The following EIF2AK4 variants were observed in gnomAD, a reference collection of about 807,000 sequenced individuals.
The protein encoded by EIF2AK4 is eIF-2-alpha kinase GCN2.
In EIF2AK4, 139 loss-of-function variants were observed where a neutral mutation model predicts 211.1. That is an observed-to-expected ratio of 0.66 (90% CI 0.57 to 0.76). EIF2AK4 has a LOEUF of 0.76. Among genes scored for constraint, EIF2AK4 ranks in the 30% least tolerant of loss-of-function variants. The pLI, the probability that EIF2AK4 is intolerant of heterozygous loss-of-function variation, is 0.00. For synonymous variants in EIF2AK4, 710 were observed against 751.3 expected (o/e 0.94, Z 0.90); for missense variants, 1,664 against 2,043.8 (o/e 0.81, Z 3.58).
chr15:39,999,615 A>G (rs2035065373), intron 20 of EIF2AK4, among the ~76,000 whole-genome samples: 1 of 152,186 alleles, frequency 6.6e-6, no homozygotes, highest in Non-Finnish European at 1.5e-5. Context: ...AAATAAAAAG[A>G]TTAAGTACTC....
At chr15:39,961,955 A>G in intron 7 of EIF2AK4, 56 bp downstream of exon 7, 1 of 1,310,794 alleles carries the variant, frequency 7.6e-7, no homozygotes, top group Non-Finnish European at 1.1e-6. Flanking sequence ...GTTAATCACA[A>G]AGGAATGGGA....
chr15:40,017,811 T>C (rs1269293619), intron 29 of EIF2AK4, among the ~76,000 whole-genome samples: 2 of 151,768 alleles, frequency 1.3e-5, no homozygotes, highest in Non-Finnish European at 2.9e-5. Flanking sequence ...CCTCTCAGAG[T>C]GCTGGGATTA....
intron 1 of EIF2AK4, 26 bp downstream of exon 1, chr15:39,934,365 G>A (rs1475745419): frequency 6.3e-7 from 1 of 1,589,398 alleles, no homozygotes; most frequent in East Asian, 2.3e-5. Flanking sequence ...GTCAGGCCCG[G>A]GCTGGCGTGC....
At chr15:40,000,471 G>T (rs1451108128) in intron 20 of EIF2AK4, among the ~76,000 whole-genome samples, 1 of 152,156 alleles carries the variant, frequency 6.6e-6, no homozygotes, top group Non-Finnish European at 1.5e-5. Context: ...TAATGAGGTG[G>T]CTGTGAAGAT....
At chr15:39,984,012 T>A (rs1415190801) in intron 13 of EIF2AK4, among the ~76,000 whole-genome samples, 1 of 152,238 alleles carries the variant, frequency 6.6e-6, no homozygotes, top group Non-Finnish European at 1.5e-5. Flanking sequence ...TTAATCCATC[T>A]TGAGTTAATT....
Position 39,973,032 on chromosome 15 carries a change from C to T in EIF2AK4, c.1660+18C>T, listed in dbSNP as rs1420155828. 26 of 1,584,852 alleles carry T rather than the reference C, an allele frequency of 1.6e-5. No homozygotes were observed. Among genetic ancestry groups the T allele is most frequent in the African/African-American group, 2.7e-5 (2 of 74,326 alleles). Reference sequence around the variant, plus strand: ...TCCTGAAGGTGAGTCTGTTACCTTTCTTTATTTGGTAACCTGTTTGACATT... The same window carrying T: ...TCCTGAAGGTGAGTCTGTTACCTTTTTTTATTTGGTAACCTGTTTGACATT... On this transcript the variant is annotated intron_variant, in intron 10 of 38. Coordinates refer to ENST00000263791, the MANE Select transcript of EIF2AK4 (RefSeq NM_001013703.4).
At chr15:39,982,956 T>G (rs146018092) in intron 13 of EIF2AK4, among the ~76,000 whole-genome samples, 370 of 152,376 alleles carry the variant, frequency 2.4e-3, no homozygotes, top group African/African-American at 8.7e-3. Flanking sequence ...TGATGGACAT[T>G]TGGGTTGATT....
chr15:39,994,838 T>C (rs1430716905), intron 18 of EIF2AK4, among the ~76,000 whole-genome samples: 1 of 151,474 alleles, frequency 6.6e-6, no homozygotes, highest in Non-Finnish European at 1.5e-5. Flanking sequence ...TTAGTGTCAT[T>C]ATTATTATTA....
rs536252760 is a variant in EIF2AK4 at position 40,014,656 on chromosome 15, C to A, written c.3760-1846C>A. Among the ~76,000 whole-genome samples the A allele has an allele frequency of 3.9e-5, 6 of 152,340 alleles. No individual in the cohort carries two copies. The South Asian group carries it at 1.2e-3, about 32-fold the overall frequency. ...GTGATGGGAGGGCCTGCCATGAAGA[C>A]CTCTGACATGCCCTGGAGACATTTT... On this transcript the variant is annotated intron_variant, in intron 27 of 38. Coordinates refer to ENST00000263791, the MANE Select transcript of EIF2AK4 (RefSeq NM_001013703.4).
At position 39,978,062 on chromosome 15, in the gene EIF2AK4, T is replaced by C. The variant is rs1457892151; in HGVS notation, c.2250-16T>C. On this transcript the variant is annotated splice_polypyrimidine_tract_variant and intron_variant, in intron 12 of 38. Transcript: ENST00000263791. Reference sequence around the variant, plus strand: ...GGGATTTCTGTTCCTTTAGTATTTCTGTTTCCCTTTTTCAGGCCTGCTTCA... The same window carrying C: ...GGGATTTCTGTTCCTTTAGTATTTCCGTTTCCCTTTTTCAGGCCTGCTTCA... 2.5e-6 allele frequency: 4 copies of C among 1,581,052 alleles called. No homozygotes were observed. In the Admixed American group the frequency reaches 5.1e-5, roughly 20 times the overall value.
intron 34 of EIF2AK4, among the ~76,000 whole-genome samples, chr15:40,029,930 A>G (rs1038238161): frequency 2.0e-5 from 3 of 152,254 alleles, no homozygotes; most frequent in African/African-American, 7.2e-5. Context: ...AATTAAGGCC[A>G]TGAGAAGACA....
intron 3 of EIF2AK4, among the ~76,000 whole-genome samples, chr15:39,945,334 G>T (rs1262066769): frequency 1.3e-5 from 2 of 152,044 alleles, no homozygotes; most frequent in Admixed American, 1.3e-4. Flanking sequence ...CTCTTACCCA[G>T]TTTGCCCCGA....
At chr15:40,002,839 A>T (rs376521080) in intron 22 of EIF2AK4, 51 bp downstream of exon 22, 10 of 1,590,926 alleles carry the variant, frequency 6.3e-6, no homozygotes, top group Non-Finnish European at 8.6e-6. Context: ...GACTTTTTTC[A>T]TCATTAGAAA....
chr15:40,026,199 A>C (rs1293448012), intron 33 of EIF2AK4, 110 bp downstream of exon 33: 4 of 974,850 alleles, frequency 4.1e-6, no homozygotes, highest in Non-Finnish European at 6.1e-6. Flanking sequence ...TCACACCTGT[A>C]ATCCCAGCAC....
At position 40,009,626 on chromosome 15, in the gene EIF2AK4, A is replaced by G. The variant is rs374672286; in HGVS notation, c.3589A>G (p.Ser1197Gly). The part of the protein sequence containing the change: ...EFPALQERNY[S>G]IYLNHTMLLK... The stretch of plus-strand genomic sequence containing the variant: ...CTCCATATCCCAGGAAAGAAATTAC[A>G]GTATTTATTTGAACCATACCATGTT... The change falls in exon 26 of 39, where the codon AGT becomes GGT. Residue 1197 changes from serine (S) to glycine (G), a missense_variant. Physicochemically the swap from Ser to Gly is moderately conservative, Grantham distance 56. Coordinates refer to ENST00000263791, the MANE Select transcript of EIF2AK4 (RefSeq NM_001013703.4). 13 of 1,584,030 alleles carry G rather than the reference A, an allele frequency of 8.2e-6. No homozygotes were observed. In the East Asian group the frequency reaches 1.4e-4, roughly 16 times the overall value.
At chr15:39,957,954 A>G (rs991469289) in intron 6 of EIF2AK4, among the ~76,000 whole-genome samples, 1 of 152,272 alleles carries the variant, frequency 6.6e-6, no homozygotes, top group African/African-American at 2.4e-5. Context: ...GAAAGAACGT[A>G]AAGGCCTGAT....
In EIF2AK4 at chr15:40,019,288, G is replaced by A. The variant is rs867511555; in HGVS notation, c.4173+88G>A. 8.8e-5 allele frequency: 87 copies of A among 985,416 alleles called. No homozygotes were observed. In the African/African-American group the frequency reaches 1.3e-3, roughly 14 times the overall value. The allele number at this position is 985,416 out of a possible 1,614,324, so 61.0% of individuals were successfully genotyped here. On this transcript the variant is annotated intron_variant, in intron 30 of 38. Coordinates refer to ENST00000263791, the MANE Select transcript of EIF2AK4 (RefSeq NM_001013703.4). ...TGCCTTTTGCAGTCATTTACATGGGGCTTCTGATGTGAAAGCTATAGACGT... is the reference window on the plus strand; with the variant it reads ...TGCCTTTTGCAGTCATTTACATGGGACTTCTGATGTGAAAGCTATAGACGT...
chr15:40,016,383 A>T, intron 27 of EIF2AK4, 119 bp from the exon 28 acceptor site: 1 of 1,237,444 alleles, frequency 8.1e-7, no homozygotes, highest in Non-Finnish European at 1.1e-6. Context: ...ATAATCTTTG[A>T]CCACAAAGAT....
intron 29 of EIF2AK4, among the ~76,000 whole-genome samples, chr15:40,017,697 C>T (rs1340318149): frequency 6.6e-6 from 1 of 150,514 alleles, no homozygotes; most frequent in African/African-American, 2.4e-5. Flanking sequence ...AGGCATGCAC[C>T]ACCACACCCA....
Sources: gnomAD v4.1 joint callset for allele counts (sites outside exome capture counted in the v4.1 genomes callset) on GRCh38, gnomAD v4.1.1 for gene constraint, MANE v1.5 for transcripts, NCBI Gene and HGNC (gene_info 2026-07-23, HGNC 2026-07-21) for gene names.